CACNA2D2: variants seen among roughly 807,000 people sequenced by gnomAD.
The protein encoded by CACNA2D2 is calcium voltage-gated channel auxiliary subunit alpha2delta 2.
A neutral mutation model predicts 166.4 loss-of-function variants in CACNA2D2; 48 were observed. The observed-to-expected ratio is 0.29, with a 90% CI of 0.23 to 0.37. The LOEUF (loss-of-function observed/expected upper bound fraction) is 0.37. CACNA2D2 is among the 10% of genes least tolerant of loss of function. The probability of loss-of-function intolerance (pLI) is 1.00; values close to 1 mark genes in which losing one functional copy is unlikely to be tolerated. For missense variants in CACNA2D2, 1,122 were observed against 1,433.0 expected, an observed-to-expected ratio of 0.78 and a Z score of 3.50; for synonymous variants, 561 against 573.7, an observed-to-expected ratio of 0.98 and a Z score of 0.32.
At chr3:50,444,282 GA>G (rs1328122966) in intron 2 of CACNA2D2, among the ~76,000 whole-genome samples, 1 of 152,210 alleles carries the variant, frequency 6.6e-6, no homozygotes, top group African/African-American at 2.4e-5. Flanking sequence ...TACAGATGAG[GA>G]TACTGAGGCG....
At chr3:50,469,423 G>A (rs1377230139) in intron 2 of CACNA2D2, among the ~76,000 whole-genome samples, 1 of 152,098 alleles carries the variant, frequency 6.6e-6, no homozygotes, top group African/African-American at 2.4e-5. Flanking sequence ...GAGATGAAGG[G>A]ACCAGTTTCT....
intron 2 of CACNA2D2, among the ~76,000 whole-genome samples, chr3:50,468,388 T>A (rs1709917255): frequency 1.8e-5 from 2 of 112,170 alleles, no homozygotes; most frequent in Non-Finnish European, 3.8e-5. Context: ...ATAGTGTGTG[T>A]GTGTGTGTGT....
intron 1 of CACNA2D2, among the ~76,000 whole-genome samples, chr3:50,483,964 C>T (rs1698168396): frequency 6.6e-6 from 1 of 152,158 alleles, no homozygotes; most frequent in Non-Finnish European, 1.5e-5. Context: ...TCACAAACAC[C>T]CGTCAGGCCG....
At chr3:50,397,858 C>T (rs1706235947) in intron 3 of CACNA2D2, among the ~76,000 whole-genome samples, 1 of 152,224 alleles carries the variant, frequency 6.6e-6, no homozygotes, top group Admixed American at 6.5e-5. Flanking sequence ...CCAAGGAGGA[C>T]ATGTCCTGAG....
chr3:50,459,004 T>C (rs1370746122), intron 2 of CACNA2D2, among the ~76,000 whole-genome samples: 3 of 152,238 alleles, frequency 2.0e-5, no homozygotes, highest in African/African-American at 7.2e-5. Context: ...GGGCTCTGTG[T>C]GCAGGGGACA....
At chr3:50,413,160 C>T (rs1220490282) in intron 3 of CACNA2D2, among the ~76,000 whole-genome samples, 2 of 151,460 alleles carry the variant, frequency 1.3e-5, no homozygotes, top group African/African-American at 4.9e-5. Flanking sequence ...ACCTAGGAAG[C>T]GGAGCTGGTT....
intron 2 of CACNA2D2, among the ~76,000 whole-genome samples, chr3:50,437,573 T>C (rs970854680): frequency 2.0e-5 from 3 of 152,298 alleles, no homozygotes; most frequent in Non-Finnish European, 4.4e-5. Context: ...CAATTGTTCC[T>C]GTCTTCTAGG....
At position 50,367,526 on chromosome 3, in the gene CACNA2D2, G is replaced by T; in HGVS notation, c.2298-29C>A. 2 of 1,610,716 alleles carry T rather than the reference G, an allele frequency of 1.2e-6. No homozygotes were observed. Among genetic ancestry groups the T allele is most frequent in the Non-Finnish European group, 1.7e-6 (2 of 1,177,192 alleles). On this transcript the variant is annotated intron_variant, in intron 26 of 37. Coordinates refer to ENST00000424201, the MANE Select transcript of CACNA2D2 (RefSeq NM_006030.4). This position sits in a 1 kb window ranked among gnomAD's most constrained non-coding sequence, Gnocchi z 6.5. The stretch of plus-strand genomic sequence containing the variant: ...GAGCACCCAAGAGGCAGACTGGTAG[G>T]TAAGGGGTGGCTTGTCGGGGACAGT...
chr3:50,471,937 A>G (rs540099456), intron 2 of CACNA2D2, among the ~76,000 whole-genome samples: 6 of 152,332 alleles, frequency 3.9e-5, no homozygotes, highest in Middle Eastern at 3.4e-3. Context: ...CTGGCTACCC[A>G]TAAGAAATGG....
chr3:50,489,575 G>C (rs570565549), intron 1 of CACNA2D2, among the ~76,000 whole-genome samples: 201 of 150,402 alleles, frequency 1.3e-3, no homozygotes, highest in African/African-American at 4.7e-3. Flanking sequence ...CCCCGGAAGC[G>C]CATCAGAAAG....
At chr3:50,475,617 G>A (rs1238149190) in intron 2 of CACNA2D2, among the ~76,000 whole-genome samples, 1 of 152,144 alleles carries the variant, frequency 6.6e-6, no homozygotes, top group Non-Finnish European at 1.5e-5. Flanking sequence ...GGATGTGGTG[G>A]CTGGTGCCTA....
intron 2 of CACNA2D2, among the ~76,000 whole-genome samples, chr3:50,446,150 G>A (rs939870524): frequency 2.0e-5 from 3 of 152,256 alleles, no homozygotes; most frequent in Admixed American, 6.5e-5. Context: ...ATGCTCAGGG[G>A]AGGCACATGC....
chr3:50,369,696 G>A (rs1053295066), intron 23 of CACNA2D2, among the ~76,000 whole-genome samples: 6 of 152,226 alleles, frequency 3.9e-5, no homozygotes, highest in Admixed American at 6.5e-5. Context: ...AAAGGCAGAC[G>A]GTGTGTACAT....
intron 3 of CACNA2D2, among the ~76,000 whole-genome samples, chr3:50,408,760 C>T (rs1706844365): frequency 6.6e-6 from 1 of 152,184 alleles, no homozygotes; most frequent in African/African-American, 2.4e-5. Context: ...TGGGCCCAGG[C>T]CTACCCCACA....
At chr3:50,452,699 C>T (rs1446427580) in intron 2 of CACNA2D2, among the ~76,000 whole-genome samples, 1 of 152,210 alleles carries the variant, frequency 6.6e-6, no homozygotes, top group Non-Finnish European at 1.5e-5. Context: ...GAGAAGCCCC[C>T]TTGGCAGGAT....
At chr3:50,371,145 G>T (rs1267234065) in intron 22 of CACNA2D2, among the ~76,000 whole-genome samples, 1 of 152,108 alleles carries the variant, frequency 6.6e-6, no homozygotes, top group Non-Finnish European at 1.5e-5. Context: ...CAGGGGTGCT[G>T]CTGGAAACTG....
chr3:50,373,801 T>TGA (rs1489359396), intron 22 of CACNA2D2, among the ~76,000 whole-genome samples: 2 of 83,578 alleles, frequency 2.4e-5, no homozygotes, highest in African/African-American at 1.0e-4. Context: ...AGGTAGGAAG[T>TGA]GAGAGGAGAA....
chr3:50,412,893 TG>T (rs1340832375), intron 3 of CACNA2D2, among the ~76,000 whole-genome samples: 2 of 152,118 alleles, frequency 1.3e-5, no homozygotes, highest in African/African-American at 4.8e-5. Context: ...CATCTCAGCC[TG>T]GGGGGGTGCT....
At chr3:50,480,054 T>TC (rs1697980243) in intron 1 of CACNA2D2, among the ~76,000 whole-genome samples, 1 of 152,140 alleles carries the variant, frequency 6.6e-6, no homozygotes, top group African/African-American at 2.4e-5. Flanking sequence ...AGTCACGTCC[T>TC]CCAATGTGCC....
Sources: allele counts gnomAD v4.1 joint callset (sites outside exome capture counted in the v4.1 genomes callset), GRCh38; gene constraint gnomAD v4.1.1; non-coding constraint Gnocchi (gnomAD v3.1); transcripts MANE v1.5; gene names NCBI Gene and HGNC (gene_info 2026-07-23, HGNC 2026-07-21).